The following SLC5A7 variants were observed in gnomAD, a reference collection of about 807,000 sequenced individuals.
SLC5A7 encodes solute carrier family 5 member 7.
Under a neutral mutation model 55.4 loss-of-function variants are expected in SLC5A7, and 19 were observed. The observed-to-expected ratio is 0.34, with a 90% CI of 0.24 to 0.50. The LOEUF (loss-of-function observed/expected upper bound fraction) is 0.50. SLC5A7 is among the 20% of genes least tolerant of loss of function. SLC5A7 has a pLI of 0.98. For synonymous variants in SLC5A7, 265 were observed against 263.7 expected (o/e 1.00, Z -0.05); for missense variants, 506 against 705.3 (o/e 0.72, Z 3.20).
intron 6 of SLC5A7, among the ~76,000 whole-genome samples, chr2:108,004,026 AG>A (rs1165226976): frequency 6.6e-6 from 1 of 152,128 alleles, no homozygotes; most frequent in Admixed American, 6.5e-5. Context: ...TCCCATAATG[AG>A]GGCTCCACCC....
At chr2:107,997,621 C>T (rs1004499641) in intron 4 of SLC5A7, among the ~76,000 whole-genome samples, 1 of 152,146 alleles carries the variant, frequency 6.6e-6, no homozygotes, top group African/African-American at 2.4e-5. Context: ...AATAAGTTAG[C>T]AAACCAGTAA....
intron 4 of SLC5A7, among the ~76,000 whole-genome samples, chr2:107,994,100 A>G (rs1457211757): frequency 6.6e-6 from 1 of 152,248 alleles, no homozygotes; most frequent in South Asian, 2.1e-4. Flanking sequence ...ACCAGTTGAG[A>G]CTGTTGGACC....
rs1051686424 is a variant in SLC5A7 at position 108,010,309 on chromosome 2, G to C, written c.1191G>C (p.Leu397Phe). 6.2e-7 allele frequency: 1 copy of C among 1,613,964 alleles called. No individual in the cohort carries two copies. The highest frequency in any genetic ancestry group is 8.5e-7 in the Non-Finnish European group (1 of 1,179,922). The change falls in exon 9 of 9, where the codon TTG (leucine) becomes TTC (phenylalanine). Residue 397 changes from leucine to phenylalanine, a missense_variant. Leu to Phe is a conservative substitution (Grantham distance 22, BLOSUM62 0). Around this residue, in one of 4 missense-constraint regions of SLC5A7, gnomAD observed 309 missense variants for 478.6 expected, o/e 0.65. Coordinates refer to ENST00000264047, the MANE Select transcript of SLC5A7 (RefSeq NM_021815.5). Reference protein sequence around the residue: ...VFGASATAMALLTKTVYGLWY... With the variant: ...VFGASATAMAFLTKTVYGLWY... ...GAGCATCTGCAACAGCCATGGCCTT[G>C]CTGACGAAAACTGTGTATGGGCTCT...
intron 5 of SLC5A7, 37 bp downstream of exon 5, chr2:107,998,023 C>G: frequency 1.3e-6 from 2 of 1,585,768 alleles, no homozygotes; most frequent in Non-Finnish European, 1.7e-6. Flanking sequence ...TCCTTTTTTT[C>G]TGTAAAAGGT....
chr2:108,003,677 T>C (rs2104368233), intron 6 of SLC5A7, among the ~76,000 whole-genome samples: 2 of 152,262 alleles, frequency 1.3e-5, no homozygotes, highest in South Asian at 4.1e-4. Flanking sequence ...CTCTATTAGG[T>C]AGACTGCATT....
chr2:108,010,801 G>A lies in SLC5A7; in HGVS notation c.1683G>A (p.Glu561=). 6.2e-7 allele frequency: 1 copy of A among 1,612,344 alleles called. No individual in the cohort carries two copies. The highest frequency in any genetic ancestry group is 8.5e-7 in the Non-Finnish European group (1 of 1,179,600). The change falls in exon 9 of 9, where the codon GAG becomes GAA. Residue 561 remains glutamate, a synonymous_variant. Coordinates refer to ENST00000264047, the MANE Select transcript of SLC5A7 (RefSeq NM_021815.5). ...MTLSSTFTNK[E]AFLDVDSSPE... The stretch of plus-strand genomic sequence containing the variant: ...TCAGCTCAACTTTCACCAATAAAGA[G>A]GCCTTCCTTGATGTTGATTCCAGTC...
intron 8 of SLC5A7, 50 bp from the exon 9 acceptor site, chr2:108,010,182 A>C: frequency 6.4e-7 from 1 of 1,562,168 alleles, no homozygotes; most frequent in Non-Finnish European, 8.6e-7. Context: ...CTTTGCCTAA[A>C]TGAGCCAAGA....
At position 107,992,674 on chromosome 2, in the gene SLC5A7, A is replaced by T. The variant is rs928977222; in HGVS notation, c.293-298A>T. Among the ~76,000 whole-genome samples, 8 of 152,282 alleles carry T rather than the reference A, an allele frequency of 5.3e-5. No homozygotes were observed. In the East Asian group the frequency reaches 1.2e-3, roughly 22 times the overall value. ...TTCAAAACCTCTAAATGCTATGTTG[A>T]GAGATAGAAATGCATTGAGGCATTT... On this transcript the variant is annotated intron_variant, in intron 3 of 8. Transcript: ENST00000264047.
In SLC5A7 at chr2:107,997,958, T is replaced by G; in HGVS notation, c.569T>G (p.Val190Gly). ...TATTCTGTGGCCTACACTGATGTCGTTCAGCTCTTTTGCATTTTTGTAGGG... is the reference window on the plus strand; with the variant it reads ...TATTCTGTGGCCTACACTGATGTCGGTCAGCTCTTTTGCATTTTTGTAGGG... ...GLYSVAYTDVVQLFCIFVGLW... is the reference protein window; with the variant it reads ...GLYSVAYTDVGQLFCIFVGLW... The change falls in exon 5 of 9, where the codon GTT (valine) becomes GGT (glycine). Residue 190 changes from valine (V) to glycine (G), a missense_variant. Coordinates refer to ENST00000264047, the MANE Select transcript of SLC5A7 (RefSeq NM_021815.5). 1 of 1,613,154 alleles carries G rather than the reference T, an allele frequency of 6.2e-7. No homozygotes were observed. Among genetic ancestry groups the G allele is most frequent in the Non-Finnish European group, 8.5e-7 (1 of 1,179,542 alleles).
At position 108,013,820 on chromosome 2, in the gene SLC5A7, TCAA is replaced by T. The variant is rs1351585477; in HGVS notation, c.*2966_*2968del. On this transcript the variant is annotated 3_prime_UTR_variant, in exon 9 of 9. Coordinates refer to ENST00000264047, the MANE Select transcript of SLC5A7 (RefSeq NM_021815.5). The stretch of plus-strand genomic sequence containing the variant: ...GCAAGCTTGTAGCTGGACTGCAATA[TCAA>T]CAACAAGTTGTTTCAAACAGCATCA... The T allele has an allele frequency of 8.5e-5, 13 of 152,282 alleles. No homozygotes were observed. The highest frequency in any genetic ancestry group is 1.9e-4 in the East Asian group (1 of 5,182). 9.4% of individuals were successfully genotyped at this position (152,282 alleles called of 1,614,324 possible).
At chr2:107,995,300 A>G (rs1376903590) in intron 4 of SLC5A7, among the ~76,000 whole-genome samples, 1 of 152,188 alleles carries the variant, frequency 6.6e-6, no homozygotes, top group Non-Finnish European at 1.5e-5. Flanking sequence ...GAATTTATGT[A>G]TTTGTGGTTC....
In SLC5A7 at chr2:108,001,834, T is replaced by C. The variant is rs896086363; in HGVS notation, c.598-63T>C. 1.0e-5 allele frequency: 16 copies of C among 1,581,490 alleles called. No individual in the cohort carries two copies. The Admixed American group carries it at 2.7e-4, about 27-fold the overall frequency. On this transcript the variant is annotated intron_variant, in intron 5 of 8. Transcript: ENST00000264047. ...CTGTGCAGTGTGTGAGGTGTACAAATCTTGCATATATCAGACAGTTGAAAA... is the reference window on the plus strand; with the variant it reads ...CTGTGCAGTGTGTGAGGTGTACAAACCTTGCATATATCAGACAGTTGAAAA...
intron 4 of SLC5A7, among the ~76,000 whole-genome samples, chr2:107,995,347 A>C (rs184109544): frequency 9.2e-4 from 140 of 152,258 alleles, no homozygotes; most frequent in African/African-American, 3.3e-3. Context: ...ATCCATGACT[A>C]CATATGTAAA....
intron 4 of SLC5A7, among the ~76,000 whole-genome samples, chr2:107,997,136 T>A (rs1440553798): frequency 6.6e-6 from 1 of 152,236 alleles, no homozygotes; most frequent in Non-Finnish European, 1.5e-5. Flanking sequence ...TAGATGTGAC[T>A]AATGACGTTT....
At position 108,010,368 on chromosome 2, in the gene SLC5A7, T is replaced by C; in HGVS notation, c.1250T>C (p.Ile417Thr). The change falls in exon 9 of 9, where the codon ATC (isoleucine) becomes ACC (threonine). Residue 417 changes from isoleucine (I) to threonine (T), a missense_variant. By Grantham distance (89) the Ile-to-Thr change is moderately conservative (BLOSUM62 -1). Coordinates refer to ENST00000264047, the MANE Select transcript of SLC5A7 (RefSeq NM_021815.5). Reference protein sequence around the residue: ...YLSSDLVYIVIFPQLLCVLFV... With the variant: ...YLSSDLVYIVTFPQLLCVLFV... ...AGTTCTGACCTTGTTTACATCGTTA[T>C]CTTCCCCCAGCTGCTTTGTGTACTC... is the stretch of plus-strand genomic sequence containing the variant. 6.2e-7 allele frequency: 1 copy of C among 1,613,976 alleles called. No homozygotes were observed. Among genetic ancestry groups the C allele is most frequent in the Non-Finnish European group, 8.5e-7 (1 of 1,179,938 alleles).
intron 6 of SLC5A7, among the ~76,000 whole-genome samples, chr2:108,005,679 G>GC (rs985762558): frequency 6.6e-5 from 10 of 152,146 alleles, no homozygotes; most frequent in African/African-American, 2.2e-4. Flanking sequence ...CAGATTCACT[G>GC]CCTGGTGAGG....
At chr2:108,008,187 A>C (rs779204491) in intron 7 of SLC5A7, among the ~76,000 whole-genome samples, 1 of 152,220 alleles carries the variant, frequency 6.6e-6, no homozygotes, top group Non-Finnish European at 1.5e-5. Context: ...GTTTTCTATG[A>C]TTCTAGGCAA....
At chr2:107,992,930 A>T (rs745674324) in intron 3 of SLC5A7, 42 bp from the exon 4 acceptor site, 1 of 1,601,848 alleles carries the variant, frequency 6.2e-7, no homozygotes, top group East Asian at 2.2e-5. Context: ...CTATTATATT[A>T]CATTCTTTTT....
intron 5 of SLC5A7, among the ~76,000 whole-genome samples, chr2:107,998,613 GA>G (rs1260034124): frequency 6.6e-6 from 1 of 152,184 alleles, no homozygotes; most frequent in African/African-American, 2.4e-5. Context: ...GAAATGTGAA[GA>G]GTACAGTTAT....
Sources: gnomAD v4.1 joint callset for allele counts (sites outside exome capture counted in the v4.1 genomes callset) on GRCh38, gnomAD v4.1.1 for gene constraint, gnomAD v4.1.1 regional missense constraint, MANE v1.5 for transcripts, NCBI Gene and HGNC (gene_info 2026-07-23, HGNC 2026-07-21) for gene names.